Variants in ZNF536 observed in about 807,000 individuals in gnomAD.
ZNF536 encodes the protein zinc finger protein 536.
A neutral mutation model predicts 84.5 loss-of-function variants in ZNF536; 13 were observed. The observed-to-expected ratio is 0.15, with a 90% confidence interval of 0.10 to 0.24. The LOEUF is 0.24. Ranked by LOEUF, ZNF536 falls within the 10% of genes least tolerant of loss-of-function variation. ZNF536 has a pLI of 1.00. For missense variants in ZNF536, 1,536 were observed against 1,747.5 expected (o/e 0.88, Z 2.16); for synonymous variants, 811 against 742.5 (o/e 1.09, Z -1.50).
chr19:30,314,954 T>TA (rs1238994074), intron 2 of ZNF536, among the ~76,000 whole-genome samples: 3 of 152,214 alleles, frequency 2.0e-5, no homozygotes, highest in Non-Finnish European at 1.5e-5. Context: ...GGCCTTGGCC[T>TA]AAATGGCATG....
chr19:30,344,992 C>A (rs1343806253), intron 2 of ZNF536, among the ~76,000 whole-genome samples: 1 of 152,222 alleles, frequency 6.6e-6, no homozygotes, highest in Admixed American at 6.5e-5. Context: ...GCTGGCTTAT[C>A]TTTTAATATA....
At chr19:30,434,138 C>T (rs993497535) in intron 1 of ZNF536, among the ~76,000 whole-genome samples, 1 of 152,206 alleles carries the variant, frequency 6.6e-6, no homozygotes. Context: ...GTGTCATTCT[C>T]TTTCCATTAC....
At chr19:30,623,032 G>GTTT (rs1169214591) in intron 1 of ZNF536, among the ~76,000 whole-genome samples, 25 of 92,906 alleles carry the variant, frequency 2.7e-4, no homozygotes, top group African/African-American at 9.9e-4. Context: ...TTTTTTTTTT[G>GTTT]TTTTTTTGTT....
At chr19:30,555,853 A>G (rs993607147) in intron 4 of ZNF536, 2 of 152,270 alleles carry the variant, frequency 1.3e-5, no homozygotes, top group Non-Finnish European at 2.9e-5. Context: ...TGGCATAGGA[A>G]GACAACCACA....
chr19:30,351,052 G>A (rs1033571309), intron 2 of ZNF536, among the ~76,000 whole-genome samples: 1 of 152,130 alleles, frequency 6.6e-6, no homozygotes, highest in Non-Finnish European at 1.5e-5. Flanking sequence ...AAATAAAGAC[G>A]GGGAATAAAA....
In ZNF536 at chr19:30,685,002, G is replaced by A. The variant is rs899066973; in HGVS notation, c.170-25755G>A. Among the ~76,000 whole-genome samples, 11 of 152,164 alleles carry A rather than the reference G, an allele frequency of 7.2e-5. No homozygotes were observed. In the East Asian group the frequency reaches 1.5e-3, roughly 21 times the overall value. On this transcript the variant is annotated intron_variant, in intron 1 of 1. Transcript: ENST00000592773. ...TCTCAATTACAGCTACTCAGGCCAC[G>A]CAAGTGAATTGTACTTAATACCTCT... is the stretch of plus-strand genomic sequence containing the variant.
At position 30,476,957 on chromosome 19, in the gene ZNF536, G is replaced by GGT. The variant is rs1555777927; in HGVS notation, c.2170+31225_2170+31226insGT. 7.1e-3 allele frequency among the ~76,000 whole-genome samples: 1,046 copies of GGT among 147,524 alleles called. 15 individuals are homozygous for GGT. The highest frequency in any genetic ancestry group is 0.024 in the African/African-American group (980 of 40,498). On this transcript the variant is annotated intron_variant, in intron 2 of 4. Transcript: ENST00000355537. ...CCTTTGCACTTCCTATACTTGCTGG[G>GGT]TTTTTTTTTTTAATAGAGATGGGGT...
At chr19:30,646,678 C>A (rs892096) in intron 1 of ZNF536, among the ~76,000 whole-genome samples, 3 of 152,142 alleles carry the variant, frequency 2.0e-5, no homozygotes, top group Non-Finnish European at 4.4e-5. Flanking sequence ...GGCTCTGCCC[C>A]CCTTTTGGTC....
chr19:30,413,007 G>T (rs2050559769), intron 1 of ZNF536, among the ~76,000 whole-genome samples: 1 of 149,990 alleles, frequency 6.7e-6, no homozygotes. Flanking sequence ...AAATTTAATG[G>T]TATAAAGTTG....
intron 3 of ZNF536, among the ~76,000 whole-genome samples, chr19:30,354,250 T>C (rs939404718): frequency 6.6e-6 from 1 of 152,192 alleles, no homozygotes; most frequent in African/African-American, 2.4e-5. Flanking sequence ...GGGACATGTG[T>C]GTCCTCTGGG....
chr19:30,349,128 T>G (rs2047847159), intron 2 of ZNF536, among the ~76,000 whole-genome samples: 1 of 152,210 alleles, frequency 6.6e-6, no homozygotes, highest in Non-Finnish European at 1.5e-5. Context: ...CAGTCCAGAC[T>G]TCTTTTGGTT....
chr19:30,563,075 C>A (rs2046229324), intron 1 of ZNF536, among the ~76,000 whole-genome samples: 1 of 152,158 alleles, frequency 6.6e-6, no homozygotes, highest in African/African-American at 2.4e-5. Flanking sequence ...ACCCTCATTT[C>A]AATTATTTTA....
intron 2 of ZNF536, among the ~76,000 whole-genome samples, chr19:30,516,079 T>G (rs1267181793): frequency 2.0e-5 from 3 of 147,756 alleles, no homozygotes; most frequent in African/African-American, 7.5e-5. Context: ...GAAAAAAGAA[T>G]GCCCAGTGCT....
intron 2 of ZNF536, among the ~76,000 whole-genome samples, chr19:30,295,897 G>A (rs1240480667): frequency 6.6e-6 from 1 of 152,178 alleles, no homozygotes; most frequent in East Asian, 1.9e-4. Context: ...GTACTGCCCT[G>A]TCCTGCAGGA....
intron 2 of ZNF536, among the ~76,000 whole-genome samples, chr19:30,326,150 G>A (rs1485792248): frequency 6.6e-6 from 1 of 152,210 alleles, no homozygotes; most frequent in East Asian, 1.9e-4. Flanking sequence ...CTGTGCTCCA[G>A]GCAAGCAGGC....
chr19:30,518,357 T>C (rs940731866), intron 2 of ZNF536, among the ~76,000 whole-genome samples: 1 of 152,240 alleles, frequency 6.6e-6, no homozygotes, highest in South Asian at 2.1e-4. Context: ...TTATAATATA[T>C]GTGGCTAAAA....
chr19:30,514,786 C>G (rs1046978966), intron 2 of ZNF536, among the ~76,000 whole-genome samples: 2 of 152,046 alleles, frequency 1.3e-5, no homozygotes, highest in Non-Finnish European at 2.9e-5. Context: ...GTACTTGCAA[C>G]GTGAGGACCC....
chr19:30,338,483 G>GTGATGATGATGATGA (rs113886104), intron 2 of ZNF536, among the ~76,000 whole-genome samples: 3 of 149,336 alleles, frequency 2.0e-5, no homozygotes, highest in South Asian at 2.2e-4. Context: ...AATGATGATA[G>GTGATGATGATGATGA]TGATGATGAT....
intron 2 of ZNF536, among the ~76,000 whole-genome samples, chr19:30,297,906 C>T (rs1193241648): frequency 1.3e-5 from 2 of 149,432 alleles, no homozygotes; most frequent in Non-Finnish European, 3.0e-5. Flanking sequence ...GACGGAGTCC[C>T]CCCCCCCTCT....
Sources: gnomAD v4.1 joint callset for allele counts (sites outside exome capture counted in the v4.1 genomes callset) on GRCh38, gnomAD v4.1.1 for gene constraint, MANE v1.5 for transcripts, NCBI Gene and HGNC (gene_info 2026-07-23, HGNC 2026-07-21) for gene names.